The following LRBA variants were observed in gnomAD, a reference collection of about 807,000 sequenced individuals.
The protein encoded by LRBA is lipopolysaccharide-responsive and beige-like anchor protein.
Under a neutral mutation model 330.0 loss-of-function variants are expected in LRBA, and 176 were observed. The ratio of observed to expected loss-of-function variants is 0.53; its 90% CI spans 0.47 to 0.60. The LOEUF (loss-of-function observed/expected upper bound fraction) is 0.60. Among genes scored for constraint, LRBA ranks in the 20% least tolerant of loss-of-function variants. The pLI is 0.00. For synonymous variants in LRBA, 1,230 were observed against 1,193.0 expected (o/e 1.03, Z -0.64); for missense variants, 3,259 against 3,444.8 (o/e 0.95, Z 1.35).
At chr4:150,478,768 C>G (rs1324735081) in intron 42 of LRBA, among the ~76,000 whole-genome samples, 1 of 152,182 alleles carries the variant, frequency 6.6e-6, no homozygotes, top group Non-Finnish European at 1.5e-5. Context: ...ACTTAAAAGT[C>G]ACATAGGAAG....
At chr4:150,968,358 C>T (rs1003809890) in intron 2 of LRBA, among the ~76,000 whole-genome samples, 4 of 152,174 alleles carry the variant, frequency 2.6e-5, no homozygotes, top group Non-Finnish European at 4.4e-5. Flanking sequence ...GAAAGGCCTA[C>T]GTCAAAGGTT....
chr4:150,649,688 T>C (rs1450271446), intron 37 of LRBA, among the ~76,000 whole-genome samples: 2 of 152,172 alleles, frequency 1.3e-5, no homozygotes, highest in Non-Finnish European at 2.9e-5. Flanking sequence ...AACTATTACT[T>C]ACTAAGCATT....
chr4:150,324,765 G>A (rs975171176), intron 49 of LRBA, among the ~76,000 whole-genome samples: 3 of 152,000 alleles, frequency 2.0e-5, no homozygotes, highest in South Asian at 2.1e-4. Flanking sequence ...TTATATTTAC[G>A]GGAACAGACT....
chr4:150,272,565 G>GA (rs1244608984), intron 56 of LRBA, among the ~76,000 whole-genome samples: 1 of 151,672 alleles, frequency 6.6e-6, no homozygotes, highest in Non-Finnish European at 1.5e-5. Flanking sequence ...TAAGAACCTT[G>GA]AAAAAAAGTT....
At chr4:150,389,946 A>T (rs1743690576) in intron 47 of LRBA, among the ~76,000 whole-genome samples, 6 of 140,708 alleles carry the variant, frequency 4.3e-5, no homozygotes, top group Non-Finnish European at 7.6e-5. Context: ...CCAGTGGATG[A>T]GAAGGAACGG....
chr4:150,740,917 T>C (rs548980391), intron 35 of LRBA, among the ~76,000 whole-genome samples: 1 of 152,218 alleles, frequency 6.6e-6, no homozygotes, highest in South Asian at 2.1e-4. Context: ...ATAAGTAAGA[T>C]GGTCTTTTCC....
intron 36 of LRBA, among the ~76,000 whole-genome samples, chr4:150,706,537 T>C (rs1219920719): frequency 1.3e-5 from 2 of 151,432 alleles, no homozygotes; most frequent in Non-Finnish European, 3.0e-5. Context: ...TCTATGTGTT[T>C]CTACCCTTCC....
chr4:150,930,032 C>T (rs1044932440), intron 2 of LRBA, among the ~76,000 whole-genome samples: 3 of 151,942 alleles, frequency 2.0e-5, no homozygotes, highest in Non-Finnish European at 4.4e-5. Flanking sequence ...AAAACAAATC[C>T]GGCAGGGCGT....
intron 9 of LRBA, among the ~76,000 whole-genome samples, chr4:150,910,481 T>C (rs1227147856): frequency 6.6e-6 from 1 of 152,208 alleles, no homozygotes; most frequent in Non-Finnish European, 1.5e-5. Flanking sequence ...TTTGACCGTA[T>C]ATGCAAAAGT....
At chr4:150,430,949 A>G (rs1328744384) in intron 46 of LRBA, among the ~76,000 whole-genome samples, 1 of 151,890 alleles carries the variant, frequency 6.6e-6, no homozygotes, top group African/African-American at 2.4e-5. Flanking sequence ...GAATTTATCA[A>G]CACTAAAGGA....
intron 36 of LRBA, among the ~76,000 whole-genome samples, chr4:150,695,588 G>C (rs1784547189): frequency 6.6e-6 from 1 of 152,092 alleles, no homozygotes. Flanking sequence ...AAAGTGCTTG[G>C]ATTACAAGTG....
chr4:150,403,672 A>G (rs1391170021), intron 47 of LRBA, among the ~76,000 whole-genome samples: 1 of 152,044 alleles, frequency 6.6e-6, no homozygotes, highest in African/African-American at 2.4e-5. Context: ...AGTCAGTGCA[A>G]CAAGGTATTT....
intron 34 of LRBA, among the ~76,000 whole-genome samples, chr4:150,788,904 A>ATCTCCACTAAAATTCAAAAAT (rs1739486212): frequency 6.6e-6 from 1 of 151,880 alleles, no homozygotes; most frequent in South Asian, 2.1e-4. Flanking sequence ...GTGAAACCCC[A>ATCTCCACTAAAATTCAAAAAT]TCTCCACTAA....
At chr4:150,628,497 C>T (rs1293473896) in intron 37 of LRBA, among the ~76,000 whole-genome samples, 2 of 152,112 alleles carry the variant, frequency 1.3e-5, no homozygotes, top group African/African-American at 4.8e-5. Context: ...ATATGTTATA[C>T]CAACGATATT....
chr4:150,686,359 A>G (rs1207344395), intron 36 of LRBA, among the ~76,000 whole-genome samples: 1 of 152,248 alleles, frequency 6.6e-6, no homozygotes, highest in Admixed American at 6.5e-5. Context: ...TATATTTTTA[A>G]AAAAGATTGA....
At chr4:150,851,756 T>C (rs895581128) in intron 23 of LRBA, 129 bp downstream of exon 23, 4 of 916,168 alleles carry the variant, frequency 4.4e-6, no homozygotes, top group African/African-American at 1.7e-5. Context: ...AATCTTCACA[T>C]TCATTGCATT....
At chr4:150,723,259 C>T (rs1729179536) in intron 36 of LRBA, among the ~76,000 whole-genome samples, 1 of 152,116 alleles carries the variant, frequency 6.6e-6, no homozygotes, top group South Asian at 2.1e-4. Context: ...CGTGCCCTAA[C>T]CCCAGGGAGT....
chr4:150,306,757 C>T (rs1730407250), intron 52 of LRBA, among the ~76,000 whole-genome samples: 1 of 152,106 alleles, frequency 6.6e-6, no homozygotes. Flanking sequence ...TTACAAATTA[C>T]AGCATTTTCC....
rs2149682658 is a variant in LRBA, at chr4:151,014,793, C to T, written c.-151G>A. ...AGCAGTTGATGTGGAAAGTCCTTGG[C>T]GTCGCCCTCCTCCTCTTGGAGAATA... On this transcript the variant is annotated 5_prime_UTR_variant, in exon 2 of 57. Coordinates refer to ENST00000651943, the MANE Select transcript of LRBA (RefSeq NM_001364905.1). 3.4e-6 allele frequency: 2 copies of T among 587,910 alleles called. No individual in the cohort carries two copies. Among genetic ancestry groups the T allele is most frequent in the Non-Finnish European group, 3.0e-6 (1 of 330,210 alleles). 36.4% of individuals were successfully genotyped at this position (587,910 alleles called of 1,614,324 possible).
Sources: gnomAD v4.1 joint callset for allele counts (sites outside exome capture counted in the v4.1 genomes callset) on GRCh38, gnomAD v4.1.1 for gene constraint, MANE v1.5 for transcripts, NCBI Gene and HGNC (gene_info 2026-07-23, HGNC 2026-07-21) for gene names.